ANKS6: variants seen among roughly 807,000 people sequenced by gnomAD.
The protein encoded by ANKS6 is ankyrin repeat and SAM domain-containing protein 6.
ANKS6 carries 47 observed loss-of-function variants against 77.9 expected under a neutral mutation model. That is an observed-to-expected ratio of 0.60 (90% CI 0.48 to 0.77). The LOEUF (loss-of-function observed/expected upper bound fraction) is 0.77. Ranked by LOEUF, ANKS6 falls within the 30% of genes least tolerant of loss-of-function variation. ANKS6 has a pLI of 0.00. For missense variants in ANKS6, 1,150 were observed against 1,159.1 expected, an observed-to-expected ratio of 0.99 and a Z score of 0.11; for synonymous variants, 488 against 501.7, an observed-to-expected ratio of 0.97 and a Z score of 0.37.
At position 98,796,209 on chromosome 9, in the gene ANKS6, G is replaced by A. The variant is rs1238005953; in HGVS notation, c.283C>T (p.Arg95Cys). 2 of 1,413,860 alleles carry A rather than the reference G, an allele frequency of 1.4e-6. No individual in the cohort carries two copies. Among genetic ancestry groups the A allele is most frequent in the South Asian group, 1.5e-5 (1 of 67,982 alleles). The allele number at this position is 1,413,860 out of a possible 1,614,324, so 87.6% of individuals were successfully genotyped here. The stretch of plus-strand genomic sequence containing the variant: ...GAGGCACCGCGGCGCAGCAGGAAGC[G>A]CACCAGCGGTTCGTGGCCCCCGGCC... ...AAAGGHEPLVRFLLRRGASVN... is the reference protein window; with the variant it reads ...AAAGGHEPLVCFLLRRGASVN... The change falls in exon 1 of 15, where the codon CGC becomes TGC. Residue 95 changes from arginine (R) to cysteine (C), a missense_variant. By Grantham distance (180) the Arg-to-Cys change is radical (BLOSUM62 -3). Coordinates refer to ENST00000353234, the MANE Select transcript of ANKS6 (RefSeq NM_173551.5).
intron 6 of ANKS6, among the ~76,000 whole-genome samples, 157 bp from the exon 7 acceptor site, chr9:98,778,581 T>G (rs760188961): frequency 6.6e-6 from 1 of 152,180 alleles, no homozygotes; most frequent in Non-Finnish European, 1.5e-5. Flanking sequence ...ATAGCACCCA[T>G]TCCCAATAAG....
chr9:98,784,272 G>A, intron 3 of ANKS6, 115 bp from the exon 4 acceptor site: 12 of 973,878 alleles, frequency 1.2e-5, no homozygotes, highest in East Asian at 2.9e-5. Flanking sequence ...GCAGTGGGCT[G>A]CTGGGCATCA....
chr9:98,789,181 T>C (rs947403026), intron 2 of ANKS6, among the ~76,000 whole-genome samples: 7 of 152,082 alleles, frequency 4.6e-5, no homozygotes, highest in African/African-American at 1.4e-4. Context: ...CTGAAGCTAC[T>C]TTCTTCAGTG....
In ANKS6 at chr9:98,733,935, T is replaced by TG. The variant is rs1249135659; in HGVS notation, c.*2583dup. The TG allele has an allele frequency of 3.0e-6, 3 of 984,884 alleles. No homozygotes were observed. Among genetic ancestry groups the TG allele is most frequent in the Admixed American group, 6.2e-5 (1 of 16,236 alleles). 61.0% of individuals were successfully genotyped at this position (984,884 alleles called of 1,614,324 possible). A position where few individuals can be genotyped will look rare whatever the true frequency, so the allele number is the denominator to read the frequency against. On this transcript the variant is annotated 3_prime_UTR_variant, in exon 15 of 15. Transcript: ENST00000353234. ...TGCCAAGCAAGGGAGGTGCTTCTTGTGGGGGGAACAGCCACAGGCAGGCTG... is the reference window on the plus strand; with the variant it reads ...TGCCAAGCAAGGGAGGTGCTTCTTGTGGGGGGGAACAGCCACAGGCAGGCTG...
At position 98,791,369 on chromosome 9, in the gene ANKS6, C is replaced by T. The variant is rs367674354; in HGVS notation, c.360-763G>A. 4.6e-5 allele frequency among the ~76,000 whole-genome samples: 7 copies of T among 152,326 alleles called. No homozygotes were observed. Among genetic ancestry groups the T allele is most frequent in the African/African-American group, 1.7e-4 (7 of 41,578 alleles). ...TGCTGGCAGGAATGTTTGTTGCAGGCGGCTGAGGACCCAGCCTAGGCCAGA... is the reference window on the plus strand; with the variant it reads ...TGCTGGCAGGAATGTTTGTTGCAGGTGGCTGAGGACCCAGCCTAGGCCAGA... On this transcript the variant is annotated intron_variant, in intron 1 of 14. Coordinates refer to ENST00000353234, the MANE Select transcript of ANKS6 (RefSeq NM_173551.5). The surrounding 1 kb of genome is among the most constrained non-coding windows in gnomAD (Gnocchi z 4.3).
chr9:98,734,506 G>A lies in ANKS6; in HGVS notation c.*2013C>T. On this transcript the variant is annotated 3_prime_UTR_variant, in exon 15 of 15. Coordinates refer to ENST00000353234, the MANE Select transcript of ANKS6 (RefSeq NM_173551.5). ...AGAGGCAAACAATTCTAGGCCTACTGTTAACCCCTGAAGCCATCAGTAAAT... is the reference window on the plus strand; with the variant it reads ...AGAGGCAAACAATTCTAGGCCTACTATTAACCCCTGAAGCCATCAGTAAAT... 1.0e-6 allele frequency: 1 copy of A among 985,410 alleles called. No individual in the cohort carries two copies. Among genetic ancestry groups the A allele is most frequent in the Non-Finnish European group, 1.2e-6 (1 of 829,932 alleles). The allele number at this position is 985,410 out of a possible 1,614,324, so 61.0% of individuals were successfully genotyped here.
chr9:98,793,179 A>G (rs1834995018), intron 1 of ANKS6, among the ~76,000 whole-genome samples: 1 of 152,142 alleles, frequency 6.6e-6, no homozygotes, highest in African/African-American at 2.4e-5. Context: ...GAAGGTAAAC[A>G]CTATGCAACC....
Position 98,736,252 on chromosome 9 carries a change from C to T in ANKS6, c.*267G>A. 7.8e-7 allele frequency: 1 copy of T among 1,287,254 alleles called. No homozygotes were observed. Among genetic ancestry groups the T allele is most frequent in the Non-Finnish European group, 9.8e-7 (1 of 1,018,706 alleles). 79.7% of individuals were successfully genotyped at this position (1,287,254 alleles called of 1,614,324 possible). ...AGGGCAGAGCACAGGATGAAAGGAG[C>T]TGAGTCCCTGCATCACTGTGTGAAC... On this transcript the variant is annotated 3_prime_UTR_variant, in exon 15 of 15. Transcript: ENST00000353234.
chr9:98,766,819 G>A (rs549874926), intron 11 of ANKS6, among the ~76,000 whole-genome samples: 4 of 152,300 alleles, frequency 2.6e-5, no homozygotes, highest in East Asian at 1.9e-4. Flanking sequence ...CTCTGGAGGC[G>A]CTTCTTTGGT....
In ANKS6 at chr9:98,746,582, CTTTT is replaced by C. The variant is rs71496901; in HGVS notation, c.2395-911_2395-908del. Among the ~76,000 whole-genome samples the C allele has an allele frequency of 5.5e-3, 733 of 133,320 alleles. 5 individuals carry two copies. Among genetic ancestry groups the C allele is most frequent in the African/African-American group, 0.019 (703 of 37,180 alleles). The allele number at this position is 133,320 out of a possible 152,430, so 87.5% of individuals were successfully genotyped here. On this transcript the variant is annotated intron_variant, in intron 13 of 14. Transcript: ENST00000353234. ...GACAGGGAAACTGAGGCACAGAGAG[CTTTT>C]TTTTTTTTTTTTTTAGCATTCAATG...
At chr9:98,788,252 T>A (rs1201855159) in intron 2 of ANKS6, among the ~76,000 whole-genome samples, 1 of 152,162 alleles carries the variant, frequency 6.6e-6, no homozygotes, top group Non-Finnish European at 1.5e-5. Context: ...TAAGGAAACC[T>A]GGGATGGAGA....
chr9:98,741,564 A>G (rs1224110138), intron 14 of ANKS6, among the ~76,000 whole-genome samples: 1 of 152,260 alleles, frequency 6.6e-6, no homozygotes, highest in African/African-American at 2.4e-5. Context: ...TGTAAATTTA[A>G]TAAAATCAAT....
In ANKS6 at chr9:98,748,578, T is replaced by G. The variant is rs77079805; in HGVS notation, c.2394+2451A>C. ...CTTTAAAAAGGAGGGAATGTGTCCT[T>G]TTGCAGTCTCCTTCCATCCTGCTGT... On this transcript the variant is annotated intron_variant, in intron 13 of 14. Transcript: ENST00000353234. Among the ~76,000 whole-genome samples the G allele has an allele frequency of 9.9e-5, 15 of 152,254 alleles. No homozygotes were observed. The East Asian group carries it at 2.9e-3, about 29-fold the overall frequency.
At position 98,735,862 on chromosome 9, in the gene ANKS6, T is replaced by C. The variant is rs192591081; in HGVS notation, c.*657A>G. On this transcript the variant is annotated 3_prime_UTR_variant, in exon 15 of 15. Coordinates refer to ENST00000353234, the MANE Select transcript of ANKS6 (RefSeq NM_173551.5). ...GCAGTGGAATGCTACAGCAGTCACATACACAGCACTAAGGGACCCAGTGGC... is the reference window on the plus strand; with the variant it reads ...GCAGTGGAATGCTACAGCAGTCACACACACAGCACTAAGGGACCCAGTGGC... The C allele has an allele frequency of 1.6e-6, 2 of 1,231,980 alleles. No homozygotes were observed. Among genetic ancestry groups the C allele is most frequent in the East Asian group, 3.2e-5 (1 of 31,694 alleles). The allele number at this position is 1,231,980 out of a possible 1,614,324, so 76.3% of individuals were successfully genotyped here. A position where few individuals can be genotyped will look rare whatever the true frequency, so the allele number is the denominator to read the frequency against.
chr9:98,775,117 C>T (rs1285067928), intron 8 of ANKS6, among the ~76,000 whole-genome samples: 1 of 152,256 alleles, frequency 6.6e-6, no homozygotes. Context: ...ACAACAAGCT[C>T]ATCCAGCAAA....
In ANKS6 at chr9:98,743,924, G is replaced by C. The variant is rs562825583; in HGVS notation, c.2511+1635C>G. Among the ~76,000 whole-genome samples, 4 of 152,264 alleles carry C rather than the reference G, an allele frequency of 2.6e-5. No individual in the cohort carries two copies. The South Asian group carries it at 8.3e-4, about 32-fold the overall frequency. ...TTCTGTGAGCCACCCTCAGGCTTCA[G>C]TTTCCTGGACGATGCCCTTCCTGAC... On this transcript the variant is annotated intron_variant, in intron 14 of 14. Transcript: ENST00000353234.
intron 11 of ANKS6, among the ~76,000 whole-genome samples, chr9:98,767,738 C>G (rs1833379123): frequency 1.3e-5 from 2 of 152,340 alleles, no homozygotes; most frequent in South Asian, 4.1e-4. Flanking sequence ...TGAACCCAGG[C>G]AGGTTGCTCC....
intron 11 of ANKS6, among the ~76,000 whole-genome samples, chr9:98,762,042 G>A (rs540781502): frequency 6.6e-6 from 1 of 152,086 alleles, no homozygotes; most frequent in East Asian, 1.9e-4. Context: ...ATTTATTTAA[G>A]CTTCTTTATC....
rs1831503137 is a variant in ANKS6, at chr9:98,736,405, AG to A, written c.*113del. On this transcript the variant is annotated 3_prime_UTR_variant, in exon 15 of 15. Coordinates refer to ENST00000353234, the MANE Select transcript of ANKS6 (RefSeq NM_173551.5). Reference sequence around the variant, plus strand: ...GACGTGAAGTGGGCATCCCGAGCAAAGGGAACAACATGACTAAGGCACAGCA... The same window carrying A: ...GACGTGAAGTGGGCATCCCGAGCAAAGGAACAACATGACTAAGGCACAGCA... 3.5e-6 allele frequency: 5 copies of A among 1,440,852 alleles called. No homozygotes were observed. Among genetic ancestry groups the A allele is most frequent in the Admixed American group, 5.7e-5 (2 of 34,882 alleles). The allele number at this position is 1,440,852 out of a possible 1,614,324, so 89.3% of individuals were successfully genotyped here. A position where few individuals can be genotyped will look rare whatever the true frequency, so the allele number is the denominator to read the frequency against.
Sources: allele counts gnomAD v4.1 joint callset (sites outside exome capture counted in the v4.1 genomes callset), GRCh38; gene constraint gnomAD v4.1.1; non-coding constraint Gnocchi (gnomAD v3.1); transcripts MANE v1.5; gene names NCBI Gene and HGNC (gene_info 2026-07-23, HGNC 2026-07-21).